The following ERGIC1 variants were observed in gnomAD, a reference collection of about 807,000 sequenced individuals.
ERGIC1 encodes the protein endoplasmic reticulum-golgi intermediate compartment 1.
In ERGIC1, 19 loss-of-function variants were observed where a neutral mutation model predicts 38.3. The ratio of observed to expected loss-of-function variants is 0.50; its 90% CI spans 0.35 to 0.73. The LOEUF (loss-of-function observed/expected upper bound fraction) is 0.73, where lower values mean the gene tolerates loss of function less well. ERGIC1 is among the 30% of genes least tolerant of loss of function. ERGIC1 has a pLI of 0.01. For missense variants in ERGIC1, 294 were observed against 389.2 expected, an observed-to-expected ratio of 0.76 and a Z score of 2.06; for synonymous variants, 124 against 157.6, an observed-to-expected ratio of 0.79 and a Z score of 1.60.
intron 1 of ERGIC1, among the ~76,000 whole-genome samples, chr5:172,861,899 G>C (rs1761709788): frequency 6.6e-6 from 1 of 152,200 alleles, no homozygotes; most frequent in African/African-American, 2.4e-5. Flanking sequence ...TAGAAACGTA[G>C]AAAGACATAG....
At chr5:172,841,707 TA>T (rs765043592) in intron 1 of ERGIC1, among the ~76,000 whole-genome samples, 2 of 152,216 alleles carry the variant, frequency 1.3e-5, no homozygotes, top group Non-Finnish European at 2.9e-5. Context: ...GGAGGAGAAG[TA>T]ATGCTCATCT....
chr5:172,880,676 G>C (rs1160581539), intron 1 of ERGIC1, among the ~76,000 whole-genome samples: 2 of 152,186 alleles, frequency 1.3e-5, no homozygotes, highest in Admixed American at 6.5e-5. Flanking sequence ...AGTGAGCAAG[G>C]CACACCTCTT....
chr5:172,834,509 T>G lies in ERGIC1; in HGVS notation c.20+76T>G. ...AGCGCCCCGGCACGCCGCGGACCCC[T>G]CCCGCCCTGCATGCAAAAGCGGCTC... On this transcript the variant is annotated intron_variant, in intron 1 of 9. Coordinates refer to ENST00000393784, the MANE Select transcript of ERGIC1 (RefSeq NM_001031711.3). The surrounding 1 kb of genome is among the most constrained non-coding windows in gnomAD (Gnocchi z 4.1). 1 of 1,220,856 alleles carries G rather than the reference T, an allele frequency of 8.2e-7. No homozygotes were observed. The highest frequency in any genetic ancestry group is 1.0e-6 in the Non-Finnish European group (1 of 975,550). The allele number at this position is 1,220,856 out of a possible 1,614,324, so 75.6% of individuals were successfully genotyped here.
chr5:172,844,529 C>T (rs939678894), intron 1 of ERGIC1, among the ~76,000 whole-genome samples: 8 of 152,204 alleles, frequency 5.3e-5, no homozygotes, highest in Admixed American at 1.3e-4. Context: ...AGGACAAGCT[C>T]GGGGTGGGCA....
chr5:172,888,833 A>T (rs896767885), intron 2 of ERGIC1, 73 bp downstream of exon 2: 3 of 1,353,936 alleles, frequency 2.2e-6, no homozygotes, highest in Non-Finnish European at 3.2e-6. Flanking sequence ...TGTGCAGATC[A>T]TCTGGGCCAG....
intron 1 of ERGIC1, among the ~76,000 whole-genome samples, chr5:172,866,493 G>A (rs1023930394): frequency 6.6e-6 from 1 of 152,232 alleles, no homozygotes; most frequent in Non-Finnish European, 1.5e-5. Context: ...GAAAATGCTT[G>A]TGGTCCTCCA....
chr5:172,933,455 G>A (rs1434047521), intron 8 of ERGIC1: 3 of 152,224 alleles, frequency 2.0e-5, no homozygotes, highest in Non-Finnish European at 4.4e-5. Flanking sequence ...GGCACTGAGA[G>A]GTGGTTGTAG....
chr5:172,877,456 A>ATTTT (rs1561713693), intron 1 of ERGIC1, among the ~76,000 whole-genome samples: 4 of 79,768 alleles, frequency 5.0e-5, no homozygotes, highest in African/African-American at 8.3e-5. Context: ...ATATATATAT[A>ATTTT]TATTTTTTTT....
chr5:172,857,372 C>T (rs1761575697), intron 1 of ERGIC1, among the ~76,000 whole-genome samples: 1 of 152,164 alleles, frequency 6.6e-6, no homozygotes, highest in African/African-American at 2.4e-5. Flanking sequence ...ATTTCTGCTC[C>T]AGTAGTTTCA....
intron 7 of ERGIC1, among the ~76,000 whole-genome samples, chr5:172,930,078 C>T (rs1763741212): frequency 6.6e-6 from 1 of 151,388 alleles, no homozygotes. Context: ...GTCCCAGCTA[C>T]TCAGGAGGCT....
At chr5:172,902,971 C>G (rs1032160275) in intron 3 of ERGIC1, among the ~76,000 whole-genome samples, 1 of 152,014 alleles carries the variant, frequency 6.6e-6, no homozygotes, top group South Asian at 2.1e-4. Flanking sequence ...CATTTACACT[C>G]CCCCCACCCA....
At position 172,893,905 on chromosome 5, in the gene ERGIC1, ATGTG is replaced by A. The variant is rs1554110394; in HGVS notation, c.83-3069_83-3066del. Among the ~76,000 whole-genome samples, 7 of 15,542 alleles carry A rather than the reference ATGTG, an allele frequency of 4.5e-4. 1 individual carries two copies. The highest frequency in any genetic ancestry group is 6.4e-4 in the Non-Finnish European group (3 of 4,712). The allele number at this position is 15,542 out of a possible 152,430, so 10.2% of individuals were successfully genotyped here. A position where few individuals can be genotyped will look rare whatever the true frequency, so the allele number is the denominator to read the frequency against. ...TATATATATATATATATATATATATATGTGTGTGTGTGTGTGTGTGTGTGTGTGT... is the reference window on the plus strand; with the variant it reads ...TATATATATATATATATATATATATATGTGTGTGTGTGTGTGTGTGTGTGT... On this transcript the variant is annotated intron_variant, in intron 2 of 9. Coordinates refer to ENST00000393784, the MANE Select transcript of ERGIC1 (RefSeq NM_001031711.3).
At position 172,914,929 on chromosome 5, in the gene ERGIC1, G is replaced by T. The variant is rs369532528; in HGVS notation, c.375+91G>T. On this transcript the variant is annotated intron_variant, in intron 5 of 9. Transcript: ENST00000393784. ...AAACTGGTTGTGGAGGCACTCACTC[G>T]ACCTGACCCTGACACAGCCCCCAGC... The T allele has an allele frequency of 1.4e-5, 22 of 1,574,850 alleles. 1 individual carries two copies. The highest frequency in any genetic ancestry group is 3.3e-4 in the Middle Eastern group (2 of 6,028).
At chr5:172,904,511 G>GC (rs1192613533) in intron 3 of ERGIC1, among the ~76,000 whole-genome samples, 1 of 152,234 alleles carries the variant, frequency 6.6e-6, no homozygotes, top group Non-Finnish European at 1.5e-5. Context: ...GTCTGCCACT[G>GC]CCCCCATAGG....
chr5:172,899,196 G>A lies in ERGIC1; in HGVS notation c.155+2122G>A, dbSNP rs561482357. 2.1e-3 allele frequency among the ~76,000 whole-genome samples: 320 copies of A among 152,210 alleles called. 1 individual carries two copies. Among genetic ancestry groups the A allele is most frequent in the Non-Finnish European group, 3.5e-3 (241 of 68,008 alleles). On this transcript the variant is annotated intron_variant, in intron 3 of 9. Transcript: ENST00000393784. The stretch of plus-strand genomic sequence containing the variant: ...GATGACCTGGTGTATGTGAAGGCAG[G>A]AAGAAGGCCAATCAGCCAGGTCAAA...
At chr5:172,878,533 C>T (rs375568359) in intron 1 of ERGIC1, among the ~76,000 whole-genome samples, 4 of 152,162 alleles carry the variant, frequency 2.6e-5, no homozygotes, top group African/African-American at 7.2e-5. Flanking sequence ...AGTAAGCCCT[C>T]GCAAGGGGGG....
chr5:172,840,249 G>A (rs767215337), intron 1 of ERGIC1, among the ~76,000 whole-genome samples: 5 of 152,194 alleles, frequency 3.3e-5, no homozygotes, highest in African/African-American at 1.2e-4. Flanking sequence ...TCCCAAGGCC[G>A]TTTGGATTCC....
intron 5 of ERGIC1, chr5:172,920,544 C>G: frequency 1.5e-6 from 1 of 682,874 alleles, no homozygotes; most frequent in Middle Eastern, 2.4e-4. Context: ...GAGACACTGA[C>G]GTAGGTTCCT....
chr5:172,942,149 G>A (rs761115118), intron 9 of ERGIC1, among the ~76,000 whole-genome samples: 1 of 152,140 alleles, frequency 6.6e-6, no homozygotes, highest in African/African-American at 2.4e-5. Context: ...AGCCGAGATC[G>A]TGCCATTGCA....
Sources: gnomAD v4.1 joint callset for allele counts (sites outside exome capture counted in the v4.1 genomes callset) on GRCh38, gnomAD v4.1.1 for gene constraint, Gnocchi (gnomAD v3.1) non-coding constraint, MANE v1.5 for transcripts, NCBI Gene and HGNC (gene_info 2026-07-23, HGNC 2026-07-21) for gene names.